SLC47A2: variants seen among roughly 807,000 people sequenced by gnomAD.
SLC47A2 encodes the protein solute carrier family 47 member 2.
SLC47A2 carries 52 observed loss-of-function variants against 67.7 expected under a neutral mutation model. That is an observed-to-expected ratio of 0.77 (90% confidence interval 0.61 to 0.97). The LOEUF is 0.97. SLC47A2 is among the 50% of genes least tolerant of loss of function. The pLI, the probability that SLC47A2 is intolerant of heterozygous loss-of-function variation, is 0.00. For missense variants in SLC47A2, 676 were observed against 712.3 expected (o/e 0.95, Z 0.58); for synonymous variants, 278 against 292.9 (o/e 0.95, Z 0.52).
upstream of SLC47A2, chr17:19,717,524 AG>A: frequency 6.5e-6 from 1 of 152,750 alleles, no homozygotes; most frequent in Non-Finnish European, 1.5e-5. Flanking sequence ...GGAGTGAGCG[AG>A]GGGGGCAGGA....
At chr17:19,704,721 G>A in intron 10 of SLC47A2, 2 of 1,547,138 alleles carry the variant, frequency 1.3e-6, no homozygotes, top group East Asian at 4.9e-5. Context: ...GGAGGTGGGG[G>A]CTGTGGTGGA....
intron 9 of SLC47A2, 88 bp from the exon 10 acceptor site, chr17:19,705,591 CAG>C (rs1035342895): frequency 1.2e-5 from 15 of 1,264,532 alleles, no homozygotes; most frequent in African/African-American, 1.1e-4. Flanking sequence ...TTTGGGGACT[CAG>C]GGGCTTTTTT....
intron 16 of SLC47A2, 35 bp downstream of exon 16, chr17:19,679,917 G>A (rs770513763): frequency 6.3e-7 from 1 of 1,596,428 alleles, no homozygotes; most frequent in Non-Finnish European, 8.6e-7. Context: ...ACATTTATAT[G>A]TGTACCAAAG....
At chr17:19,701,425 T>A (rs2085784626) in intron 13 of SLC47A2, among the ~76,000 whole-genome samples, 1 of 152,174 alleles carries the variant, frequency 6.6e-6, no homozygotes, top group Non-Finnish European at 1.5e-5. Context: ...ATATCCTCCA[T>A]AAATATGATT....
intron 13 of SLC47A2, among the ~76,000 whole-genome samples, chr17:19,698,326 T>C (rs1272266694): frequency 1.3e-5 from 2 of 152,190 alleles, no homozygotes; most frequent in Non-Finnish European, 2.9e-5. Flanking sequence ...ACATGTTAGC[T>C]CAGTTACTTC....
At chr17:19,688,072 G>A (rs1297560473) in intron 13 of SLC47A2, among the ~76,000 whole-genome samples, 1 of 151,762 alleles carries the variant, frequency 6.6e-6, no homozygotes, top group Non-Finnish European at 1.5e-5. Flanking sequence ...CAAAACCAAA[G>A]ACACATCAAA....
intron 13 of SLC47A2, among the ~76,000 whole-genome samples, chr17:19,696,257 C>T (rs1032235058): frequency 4.7e-5 from 7 of 148,078 alleles, no homozygotes; most frequent in Non-Finnish European, 7.4e-5. Flanking sequence ...TCAAGACCAT[C>T]CTGGCCAACA....
At chr17:19,689,283 A>C (rs1421992711) in intron 13 of SLC47A2, among the ~76,000 whole-genome samples, 1 of 152,208 alleles carries the variant, frequency 6.6e-6, no homozygotes, top group Non-Finnish European at 1.5e-5. Flanking sequence ...AATCCAACAA[A>C]TCAACATACA....
chr17:19,704,822 CTTTT>C (rs6146013), intron 10 of SLC47A2: 1,909 of 272,096 alleles, frequency 7.0e-3, no homozygotes, highest in Middle Eastern at 0.011. Context: ...ATGGAATGTG[CTTTT>C]TTTTTTTTTT....
chr17:19,708,561 C>T lies in SLC47A2; in HGVS notation c.531+155G>A, dbSNP rs572535877. On this transcript the variant is annotated intron_variant, in intron 6 of 16. Coordinates refer to ENST00000433844, the MANE Select transcript of SLC47A2 (RefSeq NM_001099646.3). ...GCACAGCCTCTCACCTGCCTCTGTG[C>T]GGGAGGTCAGGATATGGCAGGTGGG... is the stretch of plus-strand genomic sequence containing the variant. The T allele has an allele frequency of 7.8e-5, 125 of 1,607,466 alleles. No homozygotes were observed. The African/African-American group carries it at 1.3e-3, about 16-fold the overall frequency.
At chr17:19,705,306 G>A in intron 10 of SLC47A2, 130 bp downstream of exon 10, 1 of 914,196 alleles carries the variant, frequency 1.1e-6, no homozygotes, top group Non-Finnish European at 1.7e-6. Flanking sequence ...TGGACCTGGT[G>A]GGCACGAGAG....
intron 5 of SLC47A2, among the ~76,000 whole-genome samples, chr17:19,709,266 C>A (rs532528298): frequency 1.3e-5 from 2 of 152,182 alleles, no homozygotes; most frequent in Admixed American, 1.3e-4. Context: ...ACGGGGGTGG[C>A]GGGCCCTTCC....
intron 13 of SLC47A2, chr17:19,702,317 G>A: frequency 2.0e-6 from 2 of 985,334 alleles, no homozygotes; most frequent in Non-Finnish European, 2.4e-6. Context: ...CCCAGCTCAT[G>A]AGGAATCCGG....
intron 5 of SLC47A2, among the ~76,000 whole-genome samples, chr17:19,711,999 G>A (rs1442753962): frequency 6.6e-6 from 1 of 152,112 alleles, no homozygotes; most frequent in African/African-American, 2.4e-5. Flanking sequence ...ATATTTTAAA[G>A]GGAAAAAGCG....
chr17:19,718,722 A>C (rs989289925), upstream of SLC47A2: 1 of 152,184 alleles, frequency 6.6e-6, no homozygotes, highest in Non-Finnish European at 1.5e-5. Flanking sequence ...TACTGACTCC[A>C]CTGCCATGCA....
upstream of SLC47A2, chr17:19,716,627 C>A (rs566505112): frequency 2.0e-6 from 3 of 1,483,352 alleles, no homozygotes; most frequent in African/African-American, 2.8e-5. Flanking sequence ...CGAGCCACCC[C>A]CTGCCTGGGC....
chr17:19,714,803 C>G lies in SLC47A2; in HGVS notation c.226-14G>C, dbSNP rs1264039395. On this transcript the variant is annotated splice_polypyrimidine_tract_variant and intron_variant, in intron 2 of 16. Transcript: ENST00000433844. ...GACATTGACAAACTGGCGCCACACA[C>G]AGGAGGAAACAAGAGCTTGTCAGGT... 2.5e-6 allele frequency: 4 copies of G among 1,613,970 alleles called. No homozygotes were observed. In the Middle Eastern group the frequency reaches 4.9e-4, roughly 200 times the overall value.
intron 13 of SLC47A2, among the ~76,000 whole-genome samples, chr17:19,688,125 C>A (rs979063339): frequency 6.6e-6 from 1 of 151,974 alleles, no homozygotes; most frequent in Non-Finnish European, 1.5e-5. Flanking sequence ...AACATTGATA[C>A]AAAAATTCTC....
rs764548379 is a variant in SLC47A2 at position 19,714,772 on chromosome 17, T to G, written c.243A>C (p.Gly81=). Residue 81 remains glycine (G), a synonymous_variant, in exon 3 of 17, where the codon GGA becomes GGC. Coordinates refer to ENST00000433844, the MANE Select transcript of SLC47A2 (RefSeq NM_001099646.3). The part of the protein sequence containing the change: ...TLAVAFVNVC[G]VSVGVGLSSA... ...AAGACAAACCAACTCCTACAGAAAC[T>G]CCGCAGACATTGACAAACTGGCGCC... 3 of 1,613,708 alleles carry G rather than the reference T, an allele frequency of 1.9e-6. No homozygotes were observed. The highest frequency in any genetic ancestry group is 2.2e-5 in the South Asian group (2 of 91,068).
Sources: allele counts gnomAD v4.1 joint callset (sites outside exome capture counted in the v4.1 genomes callset), GRCh38; gene constraint gnomAD v4.1.1; transcripts MANE v1.5; gene names NCBI Gene and HGNC (gene_info 2026-07-23, HGNC 2026-07-21).